FAM133B: variants seen among roughly 807,000 people sequenced by gnomAD.
FAM133B encodes family with sequence similarity 133 member B, also known as protein FAM133B.
Under a neutral mutation model 46.4 loss-of-function variants are expected in FAM133B, and 25 were observed. The ratio of observed to expected loss-of-function variants is 0.54; its 90% CI spans 0.39 to 0.75. The LOEUF (loss-of-function observed/expected upper bound fraction) is 0.75. Ranked by LOEUF, FAM133B falls within the 30% of genes least tolerant of loss-of-function variation. The pLI, the probability that FAM133B is intolerant of heterozygous loss-of-function variation, is 0.00. For missense variants in FAM133B, 205 were observed against 277.6 expected (o/e 0.74, Z 1.86); for synonymous variants, 75 against 86.0 (o/e 0.87, Z 0.71).
intron 2 of FAM133B, 56 bp downstream of exon 2, chr7:92,581,450 A>T: frequency 7.0e-7 from 1 of 1,425,898 alleles, no homozygotes; most frequent in Non-Finnish European, 9.7e-7. Context: ...AGTCTTAAGA[A>T]TAAACTTTAA....
In FAM133B at chr7:92,590,297, T is replaced by C. The variant is rs758464780; in HGVS notation, c.-6A>G. ...CGATTGTCCCGCTTCCCCATGGTGCTGGATCGAGCGCACAGTAGCACGCCG... is the reference window on the plus strand; with the variant it reads ...CGATTGTCCCGCTTCCCCATGGTGCCGGATCGAGCGCACAGTAGCACGCCG... On this transcript the variant is annotated 5_prime_UTR_variant, in exon 1 of 11. Transcript: ENST00000445716. 14 of 1,613,698 alleles carry C rather than the reference T, an allele frequency of 8.7e-6. No homozygotes were observed. Among genetic ancestry groups the C allele is most frequent in the Admixed American group, 1.7e-5 (1 of 60,006 alleles).
intron 2 of FAM133B, among the ~76,000 whole-genome samples, chr7:92,580,630 T>G (rs1188000132): frequency 2.0e-5 from 3 of 152,248 alleles, no homozygotes; most frequent in Non-Finnish European, 2.9e-5. Flanking sequence ...TTTTGCTGAT[T>G]GTGCTTGGTA....
chr7:92,587,030 C>A (rs1795054978), intron 1 of FAM133B, among the ~76,000 whole-genome samples: 3 of 152,126 alleles, frequency 2.0e-5, no homozygotes, highest in Admixed American at 2.0e-4. Context: ...ACAAATGTAC[C>A]ACCCTGCTGG....
intron 9 of FAM133B, among the ~76,000 whole-genome samples, chr7:92,567,413 T>A (rs1158078948): frequency 1.3e-5 from 2 of 152,180 alleles, no homozygotes; most frequent in African/African-American, 4.8e-5. Context: ...GTTTTGCTGC[T>A]AAGTGACTAC....
In FAM133B at chr7:92,579,448, T is replaced by C. The variant is rs546999961; in HGVS notation, c.123-53A>G. 1.9e-4 allele frequency: 249 copies of C among 1,307,494 alleles called. 3 individuals are homozygous for C. In the South Asian group the frequency reaches 3.2e-3, roughly 17 times the overall value. The allele number at this position is 1,307,494 out of a possible 1,614,324, so 81.0% of individuals were successfully genotyped here. A position where few individuals can be genotyped will look rare whatever the true frequency, so the allele number is the denominator to read the frequency against. Reference sequence around the variant, plus strand: ...TTTCAAGCAATTCAAATTAGATAAATGCTTACAAATAAGACAACAAAATTT... The same window carrying C: ...TTTCAAGCAATTCAAATTAGATAAACGCTTACAAATAAGACAACAAAATTT... On this transcript the variant is annotated intron_variant, in intron 2 of 10. Transcript: ENST00000445716.
chr7:92,572,508 A>G (rs1292346749), intron 8 of FAM133B, among the ~76,000 whole-genome samples: 2 of 152,208 alleles, frequency 1.3e-5, no homozygotes, highest in Admixed American at 1.3e-4. Flanking sequence ...TCACGTGGTC[A>G]AGAGTTCCAG....
rs199980853 is a variant in FAM133B at position 92,582,258 on chromosome 7, AATAACATAAC to A, written c.25-665_25-656del. 4.9e-3 allele frequency among the ~76,000 whole-genome samples: 728 copies of A among 147,962 alleles called. 3 individuals carry two copies. The highest frequency in any genetic ancestry group is 0.014 in the African/African-American group (538 of 39,290). ...AGCGACTCCCTCTCAAAATAAAATA[AATAACATAAC>A]ATAACATAACATAACATAACATAAC... On this transcript the variant is annotated intron_variant, in intron 1 of 10. Coordinates refer to ENST00000445716, the MANE Select transcript of FAM133B (RefSeq NM_152789.4).
intron 3 of FAM133B, 176 bp downstream of exon 3, chr7:92,579,141 T>C (rs893513980): frequency 1.7e-6 from 1 of 579,860 alleles, no homozygotes. Flanking sequence ...ATACTTAAGG[T>C]ATTTTCTTTT....
intron 1 of FAM133B, among the ~76,000 whole-genome samples, chr7:92,585,744 A>T (rs1795020606): frequency 6.6e-6 from 1 of 152,220 alleles, no homozygotes. Context: ...ACCAAAATAT[A>T]AAGGAAAACA....
At position 92,568,145 on chromosome 7, in the gene FAM133B, C is replaced by A. The variant is rs527604321; in HGVS notation, c.609+1678G>T. On this transcript the variant is annotated intron_variant, in intron 9 of 10. Transcript: ENST00000445716. Reference sequence around the variant, plus strand: ...GCTATGTTGCCCAAGCTGGTCGTAACTCCTGGTCTGAACTGATTCTCCTGC... The same window carrying A: ...GCTATGTTGCCCAAGCTGGTCGTAAATCCTGGTCTGAACTGATTCTCCTGC... Among the ~76,000 whole-genome samples, 249 of 152,136 alleles carry A rather than the reference C, an allele frequency of 1.6e-3. 1 individual carries two copies. The highest frequency in any genetic ancestry group is 2.9e-3 in the Non-Finnish European group (194 of 67,980).
intron 1 of FAM133B, 78 bp downstream of exon 1, chr7:92,590,190 G>A (rs1232634989): frequency 6.2e-7 from 1 of 1,609,280 alleles, no homozygotes; most frequent in African/African-American, 1.3e-5. Flanking sequence ...CTCCGGCCCG[G>A]CCGGGAACAG....
intron 1 of FAM133B, among the ~76,000 whole-genome samples, chr7:92,587,795 A>G (rs1473841521): frequency 1.3e-5 from 2 of 152,192 alleles, no homozygotes; most frequent in Non-Finnish European, 2.9e-5. Flanking sequence ...AAGAGTGAGC[A>G]CTAATGTAAA....
chr7:92,565,950 A>T, intron 10 of FAM133B, 64 bp downstream of exon 10: 2 of 1,531,238 alleles, frequency 1.3e-6, no homozygotes, highest in Non-Finnish European at 1.8e-6. Context: ...CTTTACCATG[A>T]CTCATTTTAT....
At chr7:92,578,418 CAG>C in intron 3 of FAM133B, 25 bp from the exon 4 acceptor site, 1 of 1,596,730 alleles carries the variant, frequency 6.3e-7, no homozygotes. Context: ...TGAACACCAT[CAG>C]AGACTATCTA....
At chr7:92,565,162 T>G (rs1794303738) in intron 10 of FAM133B, among the ~76,000 whole-genome samples, 1 of 150,918 alleles carries the variant, frequency 6.6e-6, no homozygotes, top group East Asian at 1.9e-4. Context: ...TTTTTTTTTT[T>G]TTTTTTAAGA....
intron 1 of FAM133B, 184 bp from the exon 2 acceptor site, chr7:92,581,787 G>A (rs1019489842): frequency 1.7e-5 from 9 of 519,326 alleles, no homozygotes; most frequent in Non-Finnish European, 3.0e-5. Flanking sequence ...AAAAGTTTGG[G>A]AGAAAATTGT....
chr7:92,583,667 G>T (rs914192346), intron 1 of FAM133B, among the ~76,000 whole-genome samples: 4 of 151,828 alleles, frequency 2.6e-5, no homozygotes, highest in Admixed American at 1.3e-4. Context: ...TATAAAGTCT[G>T]GTCTTTAATT....
chr7:92,576,091 C>G (rs984472685), intron 7 of FAM133B, among the ~76,000 whole-genome samples: 2 of 152,180 alleles, frequency 1.3e-5, no homozygotes, highest in Admixed American at 6.5e-5. Context: ...TAAAATAGGA[C>G]TTCGTGTCAT....
chr7:92,565,504 C>T (rs1281803876), intron 10 of FAM133B: 2 of 152,288 alleles, frequency 1.3e-5, no homozygotes, highest in Admixed American at 6.5e-5. Context: ...CACTCTGTCG[C>T]CCAGGCTGGA....
Sources: gnomAD v4.1 joint callset for allele counts (sites outside exome capture counted in the v4.1 genomes callset) on GRCh38, gnomAD v4.1.1 for gene constraint, MANE v1.5 for transcripts, NCBI Gene and HGNC (gene_info 2026-07-23, HGNC 2026-07-21) for gene names.